Variants in KIAA1549L observed in about 807,000 individuals in gnomAD.
The protein encoded by KIAA1549L is KIAA1549 like, also known as UPF0606 protein KIAA1549L.
In KIAA1549L, 88 loss-of-function variants were observed where a neutral mutation model predicts 160.7. The observed-to-expected ratio is 0.55, with a 90% confidence interval of 0.46 to 0.65. The LOEUF is 0.65. Ranked by LOEUF, KIAA1549L falls within the 30% of genes least tolerant of loss-of-function variation. The probability of loss-of-function intolerance (pLI) is 0.00; values close to 1 mark genes in which losing one functional copy is unlikely to be tolerated. For synonymous variants in KIAA1549L, 950 were observed against 976.7 expected, an observed-to-expected ratio of 0.97 and a Z score of 0.51; for missense variants, 2,258 against 2,437.5, an observed-to-expected ratio of 0.93 and a Z score of 1.55.
intron 1 of KIAA1549L, among the ~76,000 whole-genome samples, chr11:33,482,491 TGCTGAATTTTACTCGGTTC>T (rs1322205457): frequency 9.9e-5 from 15 of 152,246 alleles, no homozygotes; most frequent in South Asian, 8.3e-4. Context: ...TAAAAATTAA[TGCTGAATTTTACTCGGTTC>T]CTTTTGGCAC....
intron 1 of KIAA1549L, among the ~76,000 whole-genome samples, chr11:33,524,392 T>A (rs1008090788): frequency 6.6e-6 from 1 of 152,126 alleles, no homozygotes; most frequent in African/African-American, 2.4e-5. Context: ...TTTTAATTTT[T>A]CTTCCAAAAG....
intron 14 of KIAA1549L, among the ~76,000 whole-genome samples, chr11:33,608,012 G>A (rs1411947808): frequency 6.6e-6 from 1 of 152,206 alleles, no homozygotes; most frequent in Non-Finnish European, 1.5e-5. Context: ...TGACAGCCAT[G>A]AGGTTGAGGT....
intron 1 of KIAA1549L, among the ~76,000 whole-genome samples, chr11:33,463,789 CAGT>C (rs933916106): frequency 6.6e-6 from 1 of 152,192 alleles, no homozygotes; most frequent in African/African-American, 2.4e-5. Flanking sequence ...TTTAGTGGCT[CAGT>C]AGCTGCTGGA....
intron 1 of KIAA1549L, among the ~76,000 whole-genome samples, chr11:33,409,390 T>G (rs1311965599): frequency 6.6e-6 from 1 of 152,214 alleles, no homozygotes; most frequent in Non-Finnish European, 1.5e-5. Flanking sequence ...CCTGAATATT[T>G]CTGAGTTCTT....
intron 1 of KIAA1549L, among the ~76,000 whole-genome samples, chr11:33,432,762 A>T (rs1237885458): frequency 2.0e-5 from 3 of 152,186 alleles, no homozygotes; most frequent in Non-Finnish European, 4.4e-5. Context: ...CAGAACAGAG[A>T]CCTCAGAAAT....
chr11:33,607,047 C>T (rs1038975634), intron 14 of KIAA1549L, among the ~76,000 whole-genome samples: 7 of 152,120 alleles, frequency 4.6e-5, no homozygotes, highest in African/African-American at 1.7e-4. Flanking sequence ...TCATTAAAAG[C>T]CCAGAAGGAA....
chr11:33,476,262 CATCGAG>C (rs1852284373), intron 1 of KIAA1549L, among the ~76,000 whole-genome samples: 1 of 152,124 alleles, frequency 6.6e-6, no homozygotes, highest in Non-Finnish European at 1.5e-5. Flanking sequence ...GGGAATAAGA[CATCGAG>C]ATGAATGAAT....
At position 33,660,072 on chromosome 11, in the gene KIAA1549L, GA is replaced by G. The variant is rs757500522; in HGVS notation, c.6008-786del. Among the ~76,000 whole-genome samples the G allele has an allele frequency of 7.9e-5, 12 of 152,328 alleles. No homozygotes were observed. In the South Asian group the frequency reaches 2.5e-3, roughly 32 times the overall value. On this transcript the variant is annotated intron_variant, in intron 19 of 20. Coordinates refer to ENST00000658780, the MANE Select transcript of KIAA1549L (RefSeq NM_012194.3). Reference sequence around the variant, plus strand: ...CCACAACTCCCTCTTTAGGGGATGAGAAAAAGGGAAAATTCCAGAGCACTAC... The same window carrying G: ...CCACAACTCCCTCTTTAGGGGATGAGAAAAGGGAAAATTCCAGAGCACTAC...
At chr11:33,600,088 C>T (rs1477842418) in intron 13 of KIAA1549L, among the ~76,000 whole-genome samples, 1 of 152,138 alleles carries the variant, frequency 6.6e-6, no homozygotes, top group Non-Finnish European at 1.5e-5. Flanking sequence ...AATGTGCTCC[C>T]TGTTCCCATT....
intron 1 of KIAA1549L, among the ~76,000 whole-genome samples, chr11:33,510,129 A>ATC (rs774236501): frequency 3.3e-5 from 5 of 151,804 alleles, no homozygotes; most frequent in Non-Finnish European, 7.4e-5. Flanking sequence ...GCAGGGCAGG[A>ATC]TCTCTCACTC....
chr11:33,488,499 T>A lies in KIAA1549L; in HGVS notation c.239-53303T>A, dbSNP rs140597927. On this transcript the variant is annotated intron_variant, in intron 1 of 20. Transcript: ENST00000658780. Reference sequence around the variant, plus strand: ...TGTCTTGTTTAATAGTTACTAGCATTGATTAATTGCTTTCCACATATCAGA... The same window carrying A: ...TGTCTTGTTTAATAGTTACTAGCATAGATTAATTGCTTTCCACATATCAGA... Among the ~76,000 whole-genome samples, 752 of 152,328 alleles carry A rather than the reference T, an allele frequency of 4.9e-3. 5 individuals are homozygous for A. The highest frequency in any genetic ancestry group is 0.016 in the African/African-American group (684 of 41,572).
chr11:33,542,862 C>T lies in KIAA1549L; in HGVS notation c.1299C>T (p.Ser433=). Residue 433 remains serine (S), a synonymous_variant, in exon 2 of 21, where the codon AGC becomes AGT. Transcript: ENST00000658780. ...TAESGAIEMT[S]RKLASATAND... Reference sequence around the variant, plus strand: ...AATCAGGGGCCATAGAAATGACCAGCAGAAAGCTAGCCTCTGCCACTGCAA... The same window carrying T: ...AATCAGGGGCCATAGAAATGACCAGTAGAAAGCTAGCCTCTGCCACTGCAA... 6.2e-7 allele frequency: 1 copy of T among 1,613,884 alleles called. No homozygotes were observed. The highest frequency in any genetic ancestry group is 1.1e-5 in the South Asian group (1 of 91,036).
At chr11:33,469,385 T>C (rs1196488309) in intron 1 of KIAA1549L, among the ~76,000 whole-genome samples, 1 of 152,192 alleles carries the variant, frequency 6.6e-6, no homozygotes, top group African/African-American at 2.4e-5. Context: ...TATTGCTGAA[T>C]ACTATGAATA....
At chr11:33,429,469 A>G (rs1003576454) in intron 1 of KIAA1549L, among the ~76,000 whole-genome samples, 2 of 152,128 alleles carry the variant, frequency 1.3e-5, no homozygotes, top group African/African-American at 4.8e-5. Context: ...TATCGAGGTC[A>G]CCAGTGACCT....
chr11:33,641,701 A>G (rs1402273036), intron 16 of KIAA1549L, among the ~76,000 whole-genome samples: 1 of 146,434 alleles, frequency 6.8e-6, no homozygotes, highest in Non-Finnish European at 1.5e-5. Context: ...CCTGCTAATT[A>G]TGGGGAACAC....
At chr11:33,597,987 G>A (rs562550501) in intron 12 of KIAA1549L, among the ~76,000 whole-genome samples, 3 of 152,136 alleles carry the variant, frequency 2.0e-5, no homozygotes, top group African/African-American at 4.8e-5. Flanking sequence ...TTAAAAGCAC[G>A]CAGTAAAGTC....
Position 33,543,243 on chromosome 11 carries a change from G to GA in KIAA1549L, c.1685dup (p.Asp563GlyfsTer11). 6.2e-7 allele frequency: 1 copy of GA among 1,613,316 alleles called. No homozygotes were observed. The highest frequency in any genetic ancestry group is 2.2e-5 in the East Asian group (1 of 44,890). On this transcript the variant is annotated frameshift_variant, in exon 2 of 21. Coordinates refer to ENST00000658780, the MANE Select transcript of KIAA1549L (RefSeq NM_012194.3). LOFTEE classifies it high-confidence loss of function. ...CCACATCTTGGACATTTCCCCGGTG[G>GA]AAAAAGGACAGTGTGACAGCCATTT...
chr11:33,543,401 C>G lies in KIAA1549L; in HGVS notation c.1838C>G (p.Thr613Arg). The stretch of plus-strand genomic sequence containing the variant: ...GGTAGTGTCTCATCTCCCATCATTA[C>G]AGCACCAAGGACGAATCCCCTTCCT... ...STGSVSSPII[T>R]APRTNPLPSG... is the part of the protein sequence containing the mutation. The change falls in exon 2 of 21, where the codon ACA (threonine) becomes AGA (arginine). Residue 613 changes from threonine (T) to arginine (R), a missense_variant. Physicochemically the swap from Thr to Arg is moderately conservative, Grantham distance 71 (BLOSUM62 -1). Coordinates refer to ENST00000658780, the MANE Select transcript of KIAA1549L (RefSeq NM_012194.3). 2.5e-6 allele frequency: 4 copies of G among 1,614,030 alleles called. No homozygotes were observed. Among genetic ancestry groups the G allele is most frequent in the Non-Finnish European group, 3.4e-6 (4 of 1,179,876 alleles).
At position 33,412,800 on chromosome 11, in the gene KIAA1549L, T is replaced by C. The variant is rs1850809933; in HGVS notation, c.238+35911T>C. 4.6e-5 allele frequency among the ~76,000 whole-genome samples: 7 copies of C among 152,238 alleles called. No individual in the cohort carries two copies. In the South Asian group the frequency reaches 1.2e-3, roughly 27 times the overall value. On this transcript the variant is annotated intron_variant, in intron 1 of 20. Transcript: ENST00000658780. Reference sequence around the variant, plus strand: ...ATTATGTAAACGGATTAAATATTAGTACAGACATTTACGCATCATAATCTA... The same window carrying C: ...ATTATGTAAACGGATTAAATATTAGCACAGACATTTACGCATCATAATCTA...
Sources: gnomAD v4.1 joint callset for allele counts (sites outside exome capture counted in the v4.1 genomes callset) on GRCh38, gnomAD v4.1.1 for gene constraint, MANE v1.5 for transcripts, NCBI Gene and HGNC (gene_info 2026-07-23, HGNC 2026-07-21) for gene names.